Variants in TSHR observed in about 807,000 individuals in gnomAD.
TSHR encodes thyroid stimulating hormone receptor.
A neutral mutation model predicts 64.1 loss-of-function variants in TSHR; 51 were observed. The ratio of observed to expected loss-of-function variants is 0.80; its 90% CI spans 0.64 to 1.01. TSHR has a LOEUF of 1.01. TSHR is among the 50% of genes least tolerant of loss of function. The pLI is 0.00. For missense variants in TSHR, 877 were observed against 942.8 expected, an observed-to-expected ratio of 0.93 and a Z score of 0.91; for synonymous variants, 361 against 361.9, an observed-to-expected ratio of 1.00 and a Z score of 0.03.
At chr14:81,041,791 C>T (rs1385916996) in intron 1 of TSHR, among the ~76,000 whole-genome samples, 1 of 152,080 alleles carries the variant, frequency 6.6e-6, no homozygotes, top group Non-Finnish European at 1.5e-5. Context: ...TATTTACCAT[C>T]ATGTTACAAC....
intron 1 of TSHR, among the ~76,000 whole-genome samples, chr14:81,040,203 T>C (rs776193848): frequency 3.3e-5 from 5 of 151,758 alleles, no homozygotes; most frequent in Non-Finnish European, 5.9e-5. Context: ...ATGCCATGAA[T>C]ACACATTGGG....
intron 8 of TSHR, among the ~76,000 whole-genome samples, chr14:81,123,089 T>G (rs920965536): frequency 6.6e-6 from 1 of 151,818 alleles, no homozygotes; most frequent in Non-Finnish European, 1.5e-5. Context: ...ATTGCACCAT[T>G]GTACTGTAGC....
At chr14:81,056,696 G>A (rs773130327) in intron 1 of TSHR, among the ~76,000 whole-genome samples, 1 of 152,124 alleles carries the variant, frequency 6.6e-6, no homozygotes, top group Non-Finnish European at 1.5e-5. Flanking sequence ...GCTATTGCTT[G>A]AGTTTCTGGG....
At chr14:81,060,844 A>C (rs1467559539) in intron 1 of TSHR, among the ~76,000 whole-genome samples, 1 of 152,150 alleles carries the variant, frequency 6.6e-6, no homozygotes, top group Non-Finnish European at 1.5e-5. Flanking sequence ...AAGTTAATAC[A>C]CTATGCACAC....
At chr14:80,983,214 C>A in intron 1 of TSHR, 1 of 1,245,994 alleles carries the variant, frequency 8.0e-7, no homozygotes, top group Non-Finnish European at 1.1e-6. Flanking sequence ...ACATGTTAAG[C>A]ATATGTGTAA....
chr14:81,039,219 G>A (rs927377364), intron 1 of TSHR, among the ~76,000 whole-genome samples: 2 of 151,722 alleles, frequency 1.3e-5, no homozygotes, highest in South Asian at 2.1e-4. Flanking sequence ...AAATCAATAA[G>A]CATCATACAT....
rs369650282 is a variant in TSHR, at chr14:80,971,076, G to A, written c.170+15226G>A. Among the ~76,000 whole-genome samples, 17 of 152,136 alleles carry A rather than the reference G, an allele frequency of 1.1e-4. No homozygotes were observed. The South Asian group carries it at 2.1e-3, about 19-fold the overall frequency. On this transcript the variant is annotated intron_variant, in intron 1 of 9. Coordinates refer to ENST00000298171, the MANE Select transcript of TSHR (RefSeq NM_000369.5). ...TGACCTCAAATGACCCACCCACCTC[G>A]GCCTCCCAAAGTGCTGGGATTACAA...
chr14:81,108,983 C>T (rs184970735), intron 8 of TSHR: 5 of 1,283,582 alleles, frequency 3.9e-6, no homozygotes, highest in Non-Finnish European at 9.9e-7. Context: ...TTTACACCCC[C>T]ACATCCAATC....
intron 1 of TSHR, among the ~76,000 whole-genome samples, chr14:81,038,745 T>C (rs12323762): frequency 0.25 from 36,250 of 146,972 alleles, 4,587 homozygotes; most frequent in South Asian, 0.33. Flanking sequence ...AAAATAAATA[T>C]ATATATATTA....
intron 3 of TSHR, among the ~76,000 whole-genome samples, chr14:81,071,904 T>C (rs143028628): frequency 1.6e-4 from 25 of 152,376 alleles, no homozygotes; most frequent in African/African-American, 5.3e-4. Context: ...TGGCTTCATT[T>C]TCATCTTTAT....
intron 8 of TSHR, among the ~76,000 whole-genome samples, chr14:81,127,156 C>G (rs1891050898): frequency 6.6e-6 from 1 of 152,162 alleles, no homozygotes; most frequent in Non-Finnish European, 1.5e-5. Flanking sequence ...CAGTTTTTAG[C>G]ATGTAGAATT....
At chr14:81,027,000 C>T (rs1412095351) in intron 1 of TSHR, among the ~76,000 whole-genome samples, 2 of 147,602 alleles carry the variant, frequency 1.4e-5, no homozygotes, top group African/African-American at 5.1e-5. Context: ...CACGCCACTG[C>T]ACTCCAGCCT....
chr14:81,058,660 T>C (rs959109326), intron 1 of TSHR, among the ~76,000 whole-genome samples: 7 of 152,228 alleles, frequency 4.6e-5, no homozygotes, highest in African/African-American at 1.7e-4. Context: ...ACAAATTCTA[T>C]TGCGATGCAA....
chr14:80,983,215 A>C (rs1283239522), intron 1 of TSHR: 1 of 1,249,016 alleles, frequency 8.0e-7, no homozygotes, highest in Non-Finnish European at 1.1e-6. Context: ...CATGTTAAGC[A>C]TATGTGTAAA....
chr14:80,982,226 C>A (rs1317521180), intron 1 of TSHR: 4 of 618,528 alleles, frequency 6.5e-6, no homozygotes, highest in Non-Finnish European at 1.1e-5. Context: ...GAGCCTAAGG[C>A]TCTGGGCAAA....
chr14:81,008,851 T>C (rs1298743736), intron 1 of TSHR, among the ~76,000 whole-genome samples: 3 of 152,222 alleles, frequency 2.0e-5, no homozygotes, highest in Non-Finnish European at 2.9e-5. Flanking sequence ...GATTTCCTTT[T>C]TAATGATTAT....
chr14:80,960,711 G>GA (rs1886975873), intron 1 of TSHR, among the ~76,000 whole-genome samples: 1 of 152,124 alleles, frequency 6.6e-6, no homozygotes, highest in Non-Finnish European at 1.5e-5. Flanking sequence ...ATAAGTAACA[G>GA]AAAACCAACT....
In TSHR at chr14:81,143,090, G is replaced by T. The variant is rs779616854; in HGVS notation, c.1032G>T (p.Gln344His). The change falls in exon 10 of 10, where the codon CAG becomes CAT. Residue 344 changes from glutamine to histidine, a missense_variant. Coordinates refer to ENST00000298171, the MANE Select transcript of TSHR (RefSeq NM_000369.5). Reference protein sequence around the residue: ...IVGYKEKSKFQDTHNNAHYYV... With the variant: ...IVGYKEKSKFHDTHNNAHYYV... ...GGTACAAGGAAAAGTCCAAGTTCCA[G>T]GATACTCATAACAACGCTCATTATT... 6.2e-7 allele frequency: 1 copy of T among 1,614,050 alleles called. No homozygotes were observed. Among genetic ancestry groups the T allele is most frequent in the Non-Finnish European group, 8.5e-7 (1 of 1,180,048 alleles).
chr14:81,049,460 C>T (rs1226791971), intron 1 of TSHR: 1 of 152,176 alleles, frequency 6.6e-6, no homozygotes. Flanking sequence ...ATTTGAGTCA[C>T]TCATCCTTTC....
Sources: gnomAD v4.1 joint callset for allele counts (sites outside exome capture counted in the v4.1 genomes callset) on GRCh38, gnomAD v4.1.1 for gene constraint, MANE v1.5 for transcripts, NCBI Gene and HGNC (gene_info 2026-07-23, HGNC 2026-07-21) for gene names.